Variants in MAP3K3 observed in about 807,000 individuals in gnomAD.
MAP3K3 encodes mitogen-activated protein kinase kinase kinase 3.
MAP3K3 carries 12 observed loss-of-function variants against 80.9 expected under a neutral mutation model. The observed-to-expected ratio is 0.15, with a 90% CI of 0.10 to 0.24. The LOEUF is 0.24. Ranked by LOEUF, MAP3K3 falls within the 10% of genes least tolerant of loss-of-function variation. The pLI is 1.00. For missense variants in MAP3K3, 596 were observed against 834.7 expected, an observed-to-expected ratio of 0.71 and a Z score of 3.52; for synonymous variants, 272 against 307.1, an observed-to-expected ratio of 0.89 and a Z score of 1.19.
chr17:63,662,031 A>C (rs991782317), intron 5 of MAP3K3, among the ~76,000 whole-genome samples: 2 of 152,076 alleles, frequency 1.3e-5, no homozygotes, highest in Admixed American at 1.3e-4. Flanking sequence ...TGAACCCAGG[A>C]GGCGGAGCTT....
chr17:63,684,925 C>T lies in MAP3K3; in HGVS notation c.637-592C>T, dbSNP rs572549321. Among the ~76,000 whole-genome samples the T allele has an allele frequency of 1.2e-4, 18 of 152,246 alleles. No homozygotes were observed. In the South Asian group the frequency reaches 3.7e-3, roughly 32 times the overall value. ...TTGGAGAAAAAGGGATTCCAAAGGC[C>T]TTTTGTTGCTGCATTTGACCAGGGG... On this transcript the variant is annotated intron_variant, in intron 7 of 15. Transcript: ENST00000361733.
intron 8 of MAP3K3, among the ~76,000 whole-genome samples, chr17:63,687,210 GA>G (rs58633694): frequency 1.2e-3 from 151 of 130,286 alleles, no homozygotes; most frequent in Middle Eastern, 4.0e-3. Context: ...TACTAAAAAT[GA>G]AAAAAAAAAA....
At chr17:63,642,651 CTG>C (rs2034465457) in intron 2 of MAP3K3, among the ~76,000 whole-genome samples, 1 of 152,018 alleles carries the variant, frequency 6.6e-6, no homozygotes, top group African/African-American at 2.4e-5. Flanking sequence ...GAGTGAGACT[CTG>C]TCTCAAAAAA....
intron 5 of MAP3K3, among the ~76,000 whole-genome samples, chr17:63,661,302 T>C (rs2034886395): frequency 6.6e-6 from 1 of 152,158 alleles, no homozygotes; most frequent in Non-Finnish European, 1.5e-5. Flanking sequence ...ACGCCTCAGC[T>C]TCTCAAAGTG....
At chr17:63,667,962 T>C (rs535173162) in intron 6 of MAP3K3, among the ~76,000 whole-genome samples, 2 of 151,210 alleles carry the variant, frequency 1.3e-5, no homozygotes, top group East Asian at 3.9e-4. Flanking sequence ...TATTACTTGT[T>C]AACCCAGGAT....
chr17:63,642,061 T>G (rs2034454082), intron 2 of MAP3K3, among the ~76,000 whole-genome samples: 1 of 152,234 alleles, frequency 6.6e-6, no homozygotes, highest in African/African-American at 2.4e-5. Flanking sequence ...TGGCTTATTA[T>G]GGTCAACCTG....
At chr17:63,651,147 G>A (rs140166506) in intron 3 of MAP3K3, among the ~76,000 whole-genome samples, 30 of 152,098 alleles carry the variant, frequency 2.0e-4, no homozygotes, top group East Asian at 3.9e-4. Flanking sequence ...AAAAATGGTC[G>A]GCCATCAGTA....
At chr17:63,688,937 A>G (rs1169712795) in intron 10 of MAP3K3, 56 bp downstream of exon 10, 3 of 1,361,856 alleles carry the variant, frequency 2.2e-6, no homozygotes, top group Admixed American at 1.7e-5. Flanking sequence ...ACAAGTTGCC[A>G]TGGGGAGGGT....
At position 63,653,359 on chromosome 17, in the gene MAP3K3, G is replaced by A. The variant is rs117979491; in HGVS notation, c.267+703G>A. Among the ~76,000 whole-genome samples, 86 of 152,312 alleles carry A rather than the reference G, an allele frequency of 5.6e-4. No individual in the cohort carries two copies. In the East Asian group the frequency reaches 0.014, roughly 26 times the overall value. ...GTGTACCTCGAGGAAATTGAGTTAGGGGTGCAAGACAAGAAAGCTGGGCAA... is the reference window on the plus strand; with the variant it reads ...GTGTACCTCGAGGAAATTGAGTTAGAGGTGCAAGACAAGAAAGCTGGGCAA... On this transcript the variant is annotated intron_variant, in intron 4 of 15. Transcript: ENST00000361733.
chr17:63,642,935 T>C (rs1379247932), intron 2 of MAP3K3, among the ~76,000 whole-genome samples: 1 of 151,720 alleles, frequency 6.6e-6, no homozygotes, highest in Non-Finnish European at 1.5e-5. Context: ...TTTTTGTATT[T>C]TTTGTAGAGA....
chr17:63,658,857 C>G (rs969586113), intron 5 of MAP3K3, among the ~76,000 whole-genome samples: 1 of 151,854 alleles, frequency 6.6e-6, no homozygotes, highest in Non-Finnish European at 1.5e-5. Context: ...GCTTCAGCCT[C>G]TCGAGTAGCT....
chr17:63,682,262 A>T (rs944724183), intron 7 of MAP3K3: 1 of 165,318 alleles, frequency 6.0e-6, no homozygotes, highest in Non-Finnish European at 1.3e-5. Context: ...TATGTTTTTC[A>T]TTGGATATAT....
At chr17:63,685,716 T>A (rs2035434341) in intron 8 of MAP3K3, 126 bp downstream of exon 8, 3 of 739,964 alleles carry the variant, frequency 4.1e-6, no homozygotes, top group East Asian at 5.2e-5. Flanking sequence ...AGCCTTCTCC[T>A]TAATTTCCCC....
At chr17:63,663,363 G>A (rs1306390407) in intron 5 of MAP3K3, among the ~76,000 whole-genome samples, 2 of 152,100 alleles carry the variant, frequency 1.3e-5, no homozygotes, top group East Asian at 3.9e-4. Context: ...TTAGCTGAGC[G>A]TGGTGGCGCA....
chr17:63,690,533 C>G lies in MAP3K3; in HGVS notation c.1212+121C>G, dbSNP rs1049454685. 8 of 1,091,466 alleles carry G rather than the reference C, an allele frequency of 7.3e-6. No individual in the cohort carries two copies. The African/African-American group carries it at 9.4e-5, about 13-fold the overall frequency. 67.6% of individuals were successfully genotyped at this position (1,091,466 alleles called of 1,614,324 possible). A position where few individuals can be genotyped will look rare whatever the true frequency, so the allele number is the denominator to read the frequency against. On this transcript the variant is annotated intron_variant, in intron 12 of 15. Transcript: ENST00000361733. ...TTCCTCTGTCATTCTTCCCAAACTC[C>G]CTTTCTGTCCATCCTGGTCCCAGCC...
intron 3 of MAP3K3, among the ~76,000 whole-genome samples, chr17:63,647,234 C>A (rs938773839): frequency 6.6e-6 from 1 of 152,180 alleles, no homozygotes; most frequent in Admixed American, 6.5e-5. Context: ...TCCTTCTGCT[C>A]CTATGTGAGT....
At position 63,691,931 on chromosome 17, in the gene MAP3K3, G is replaced by A. The variant is rs1440258343; in HGVS notation, c.1474+69G>A. 2.0e-6 allele frequency: 3 copies of A among 1,533,338 alleles called. No individual in the cohort carries two copies. Among genetic ancestry groups the A allele is most frequent in the Non-Finnish European group, 2.7e-6 (3 of 1,115,916 alleles). The allele number at this position is 1,533,338 out of a possible 1,614,324, so 95.0% of individuals were successfully genotyped here. ...AAGTCTACCATTGAGTGCCTGCAGG[G>A]GCCAATCACTTAACCATTCTGAACT... On this transcript the variant is annotated intron_variant, in intron 14 of 15. Transcript: ENST00000361733. This position sits in a 1 kb window ranked among gnomAD's most constrained non-coding sequence, Gnocchi z 4.8.
At chr17:63,625,898 C>T (rs907225481) in intron 1 of MAP3K3, among the ~76,000 whole-genome samples, 4 of 152,038 alleles carry the variant, frequency 2.6e-5, no homozygotes, top group Admixed American at 2.6e-4. Context: ...ATGGTGAAAC[C>T]CTGTCTCTAC....
At chr17:63,626,762 A>G (rs751266659) in intron 1 of MAP3K3, among the ~76,000 whole-genome samples, 1 of 152,268 alleles carries the variant, frequency 6.6e-6, no homozygotes, top group African/African-American at 2.4e-5. Flanking sequence ...ACTCAGGGAC[A>G]CTGAAGCACA....
Sources: gnomAD v4.1 joint callset for allele counts (sites outside exome capture counted in the v4.1 genomes callset) on GRCh38, gnomAD v4.1.1 for gene constraint, Gnocchi (gnomAD v3.1) non-coding constraint, MANE v1.5 for transcripts, NCBI Gene and HGNC (gene_info 2026-07-23, HGNC 2026-07-21) for gene names.